The following WWOX variants were observed in gnomAD, a reference collection of about 807,000 sequenced individuals.
The protein encoded by WWOX is WW domain containing oxidoreductase.
In WWOX, 69 loss-of-function variants were observed where a neutral mutation model predicts 46.2. The observed-to-expected ratio is 1.49, with a 90% CI of 1.23 to 1.82. The LOEUF (loss-of-function observed/expected upper bound fraction) is 1.82. Ranked by LOEUF, WWOX falls within the 40% of genes most tolerant of loss-of-function variation. The pLI, the probability that WWOX is intolerant of heterozygous loss-of-function variation, is 0.00. For synonymous variants in WWOX, 359 were observed against 202.6 expected (o/e 1.77, Z -6.56); for missense variants, 919 against 542.6 (o/e 1.69, Z -6.89).
intron 8 of WWOX, among the ~76,000 whole-genome samples, chr16:78,482,927 T>C (rs2084532058): frequency 6.6e-6 from 1 of 152,142 alleles, no homozygotes; most frequent in African/African-American, 2.4e-5. Flanking sequence ...GTCATTCATA[T>C]CTGTTCGTAG....
At chr16:78,208,052 A>C (rs2036449742) in intron 5 of WWOX, among the ~76,000 whole-genome samples, 3 of 152,194 alleles carry the variant, frequency 2.0e-5, no homozygotes, top group African/African-American at 7.2e-5. Flanking sequence ...ACCTCAGGTC[A>C]TCCGCCCGCC....
chr16:78,967,977 C>T (rs993266416), intron 8 of WWOX, among the ~76,000 whole-genome samples: 17 of 152,208 alleles, frequency 1.1e-4, no homozygotes, highest in African/African-American at 4.1e-4. Context: ...TTAGCCCATA[C>T]CCCACTATAT....
intron 8 of WWOX, among the ~76,000 whole-genome samples, chr16:78,785,356 G>C (rs906589989): frequency 6.6e-5 from 10 of 152,272 alleles, no homozygotes; most frequent in African/African-American, 1.9e-4. Context: ...GCAGCAGCTA[G>C]GGAAGAAACT....
chr16:78,465,174 T>G (rs1231360724), intron 8 of WWOX, among the ~76,000 whole-genome samples: 1 of 152,204 alleles, frequency 6.6e-6, no homozygotes, highest in Non-Finnish European at 1.5e-5. Flanking sequence ...GAACTACAGT[T>G]CAAGATGAGA....
rs138053105 is a variant in WWOX, at chr16:79,177,498, A to G, written c.1057-34110A>G. Among the ~76,000 whole-genome samples, 189 of 152,272 alleles carry G rather than the reference A, an allele frequency of 1.2e-3. 2 individuals are homozygous for G. Among genetic ancestry groups the G allele is most frequent in the African/African-American group, 4.0e-3 (167 of 41,554 alleles). On this transcript the variant is annotated intron_variant, in intron 8 of 8. Transcript: ENST00000566780. ...CCAACAAAGCTTTTATGGGGTCATT[A>G]CAGATCCCTCAAATCCCTCTCCTTC...
chr16:78,700,383 C>A lies in WWOX; in HGVS notation c.1056+267631C>A, dbSNP rs77396598. Among the ~76,000 whole-genome samples, 109 of 150,760 alleles carry A rather than the reference C, an allele frequency of 7.2e-4. 1 individual carries two copies. The highest frequency in any genetic ancestry group is 2.6e-3 in the African/African-American group (107 of 40,908). Reference sequence around the variant, plus strand: ...GAGACCATCTCTCTTGTGTGTCTTTCATTCATGAGAACTCCACCTTTGTGA... The same window carrying A: ...GAGACCATCTCTCTTGTGTGTCTTTAATTCATGAGAACTCCACCTTTGTGA... On this transcript the variant is annotated intron_variant, in intron 8 of 8. Transcript: ENST00000566780.
At chr16:78,629,813 T>A (rs1047343864) in intron 8 of WWOX, among the ~76,000 whole-genome samples, 6 of 152,196 alleles carry the variant, frequency 3.9e-5, no homozygotes, top group Admixed American at 2.6e-4. Context: ...TCCAAAAAAG[T>A]GGATTTTTAG....
In WWOX at chr16:78,689,445, C is replaced by G. The variant is rs140788297; in HGVS notation, c.1056+256693C>G. On this transcript the variant is annotated intron_variant, in intron 8 of 8. Coordinates refer to ENST00000566780, the MANE Select transcript of WWOX (RefSeq NM_016373.4). ...CTCTGGCAAAGAATCCTTGACCAAA[C>G]TTTAGCTCAGCTCCTCAGAGCCCAC... 8.4e-3 allele frequency among the ~76,000 whole-genome samples: 1,282 copies of G among 152,348 alleles called. 9 individuals carry two copies. The highest frequency in any genetic ancestry group is 0.015 in the Non-Finnish European group (1,002 of 68,028).
Position 78,585,998 on chromosome 16 carries a change from G to C in WWOX, c.1056+153246G>C, listed in dbSNP as rs139235380. ...GATCCCTTGAGCCCAGGAGGTTAGA[G>C]ACCAGCCTGGGCAATATAGCAAGAT... On this transcript the variant is annotated intron_variant, in intron 8 of 8. Coordinates refer to ENST00000566780, the MANE Select transcript of WWOX (RefSeq NM_016373.4). 3.2e-4 allele frequency among the ~76,000 whole-genome samples: 49 copies of C among 152,114 alleles called. No individual in the cohort carries two copies. The East Asian group carries it at 6.6e-3, about 20-fold the overall frequency.
At chr16:78,659,330 C>T (rs529386167) in intron 8 of WWOX, among the ~76,000 whole-genome samples, 108 of 152,156 alleles carry the variant, frequency 7.1e-4, no homozygotes, top group African/African-American at 2.5e-3. Flanking sequence ...TCCTAACCAT[C>T]GCGCCTGGGG....
chr16:78,195,689 C>T (rs2036026430), intron 5 of WWOX, among the ~76,000 whole-genome samples: 1 of 151,698 alleles, frequency 6.6e-6, no homozygotes, highest in Admixed American at 6.6e-5. Flanking sequence ...AGACATGGTG[C>T]TGGGCATCTG....
At chr16:78,998,737 G>C (rs535251872) in intron 8 of WWOX, among the ~76,000 whole-genome samples, 4 of 152,318 alleles carry the variant, frequency 2.6e-5, no homozygotes, top group African/African-American at 9.6e-5. Flanking sequence ...CTTATACATT[G>C]AAAGGTGGAA....
At chr16:78,646,251 C>G (rs1392687124) in intron 8 of WWOX, among the ~76,000 whole-genome samples, 1 of 152,026 alleles carries the variant, frequency 6.6e-6, no homozygotes, top group African/African-American at 2.4e-5. Flanking sequence ...GACTCCTGGG[C>G]TCCATCAATC....
intron 5 of WWOX, among the ~76,000 whole-genome samples, chr16:78,284,668 C>A (rs961758553): frequency 2.0e-5 from 3 of 152,186 alleles, no homozygotes; most frequent in African/African-American, 7.2e-5. Context: ...ATACTAGCCA[C>A]ACACACTCTG....
intron 6 of WWOX, among the ~76,000 whole-genome samples, chr16:78,420,109 C>G (rs7204012): frequency 6.6e-6 from 1 of 152,008 alleles, no homozygotes; most frequent in Non-Finnish European, 1.5e-5. Context: ...ATAAAAAAGT[C>G]AGATAACAAA....
intron 8 of WWOX, among the ~76,000 whole-genome samples, chr16:78,930,780 T>G (rs932247620): frequency 1.3e-5 from 2 of 152,114 alleles, no homozygotes; most frequent in South Asian, 4.2e-4. Context: ...ACGGCACCTG[T>G]GATGCTTCCA....
At chr16:79,170,073 A>G (rs993180202) in intron 8 of WWOX, among the ~76,000 whole-genome samples, 3 of 152,142 alleles carry the variant, frequency 2.0e-5, no homozygotes, top group African/African-American at 4.8e-5. Flanking sequence ...ACAAGTTAGG[A>G]TCTCCTAACA....
At chr16:78,831,855 G>T (rs1422991030) in intron 8 of WWOX, among the ~76,000 whole-genome samples, 1 of 152,012 alleles carries the variant, frequency 6.6e-6, no homozygotes, top group Non-Finnish European at 1.5e-5. Flanking sequence ...AGGAGACACA[G>T]GGGAGGAAAA....
At chr16:78,365,322 A>G (rs2081510233) in intron 5 of WWOX, among the ~76,000 whole-genome samples, 1 of 152,044 alleles carries the variant, frequency 6.6e-6, no homozygotes, top group African/African-American at 2.4e-5. Context: ...GCTGTTGGTT[A>G]TGTTTTTGTT....
Sources: gnomAD v4.1 joint callset for allele counts (sites outside exome capture counted in the v4.1 genomes callset) on GRCh38, gnomAD v4.1.1 for gene constraint, MANE v1.5 for transcripts, NCBI Gene and HGNC (gene_info 2026-07-23, HGNC 2026-07-21) for gene names.